The following SLC44A5 variants were observed in gnomAD, a reference collection of about 807,000 sequenced individuals.
The protein encoded by SLC44A5 is solute carrier family 44 member 5, also known as choline transporter-like protein 5.
In SLC44A5, 57 loss-of-function variants were observed where a neutral mutation model predicts 101.8. The observed-to-expected ratio is 0.56, with a 90% CI of 0.45 to 0.70. SLC44A5 has a LOEUF of 0.70. Among genes scored for constraint, SLC44A5 ranks in the 30% least tolerant of loss-of-function variants. The pLI is 0.00. For synonymous variants in SLC44A5, 281 were observed against 290.9 expected (o/e 0.97, Z 0.35); for missense variants, 737 against 853.1 (o/e 0.86, Z 1.70).
rs1340253998 is a variant in SLC44A5, at chr1:75,587,657, C to T, written c.-70+23383G>A. Among the ~76,000 whole-genome samples the T allele has an allele frequency of 2.0e-5, 3 of 152,182 alleles. No homozygotes were observed. The East Asian group carries it at 5.8e-4, about 29-fold the overall frequency. Reference sequence around the variant, plus strand: ...TGGCTTAGCTCTTTTTCACATTAGGCCTCTTTCAAAGTATATATTAAGTCT... The same window carrying T: ...TGGCTTAGCTCTTTTTCACATTAGGTCTCTTTCAAAGTATATATTAAGTCT... On this transcript the variant is annotated intron_variant, in intron 1 of 23. Coordinates refer to ENST00000370859, the MANE Select transcript of SLC44A5 (RefSeq NM_001130058.2).
At chr1:75,676,285 C>G in the SLC44A5 span, among the ~76,000 whole-genome samples, 1 of 152,108 alleles carries the variant, frequency 6.6e-6, no homozygotes, top group African/African-American at 2.4e-5. Context: ...CACAAAGACA[C>G]AGAATGAACC....
chr1:75,613,219 A>G (rs1296066900), upstream of SLC44A5, among the ~76,000 whole-genome samples: 2 of 152,218 alleles, frequency 1.3e-5, no homozygotes, highest in African/African-American at 4.8e-5. Context: ...CCAACACAGC[A>G]TGGAATATTG....
chr1:75,718,511 C>T, the SLC44A5 span, among the ~76,000 whole-genome samples: 1 of 152,138 alleles, frequency 6.6e-6, no homozygotes, highest in East Asian at 1.9e-4. Context: ...GATCTTGACA[C>T]CTAAAATACA....
the SLC44A5 span, among the ~76,000 whole-genome samples, chr1:75,658,918 TA>T: frequency 6.6e-6 from 1 of 151,698 alleles, no homozygotes; most frequent in African/African-American, 2.4e-5. Context: ...CTCAAAGAAA[TA>T]AAATCAGAAA....
the SLC44A5 span, among the ~76,000 whole-genome samples, chr1:75,637,515 A>G: frequency 6.6e-6 from 1 of 151,934 alleles, no homozygotes; most frequent in East Asian, 1.9e-4. Context: ...TGAGGAATGG[A>G]GAGTTATTGC....
the SLC44A5 span, among the ~76,000 whole-genome samples, chr1:75,666,886 TC>T: frequency 1.3e-5 from 2 of 152,038 alleles, no homozygotes; most frequent in Admixed American, 6.6e-5. Context: ...AAATTCAACA[TC>T]CCTTCATGCT....
chr1:75,232,841 A>G (rs553830668), intron 12 of SLC44A5, among the ~76,000 whole-genome samples: 47 of 152,312 alleles, frequency 3.1e-4, no homozygotes, highest in African/African-American at 1.1e-3. Context: ...GTTGTATGTT[A>G]TGGAGCTGGA....
intron 16 of SLC44A5, 58 bp from the exon 17 acceptor site, chr1:75,218,810 A>G: frequency 1.2e-5 from 18 of 1,494,720 alleles, no homozygotes; most frequent in Non-Finnish European, 1.6e-5. Flanking sequence ...CAAGATAACA[A>G]CTCCCTGTGT....
intron 2 of SLC44A5, among the ~76,000 whole-genome samples, chr1:75,433,297 T>A (rs1664714838): frequency 6.6e-6 from 1 of 152,138 alleles, no homozygotes; most frequent in African/African-American, 2.4e-5. Context: ...AGCCCATTCC[T>A]CTACCACAGC....
At chr1:75,321,782 T>A (rs1255571807) in intron 4 of SLC44A5, among the ~76,000 whole-genome samples, 1 of 152,238 alleles carries the variant, frequency 6.6e-6, no homozygotes, top group Non-Finnish European at 1.5e-5. Context: ...AGCGACTTTT[T>A]CCTTTTAAAT....
the SLC44A5 span, among the ~76,000 whole-genome samples, chr1:75,683,624 G>A: frequency 6.6e-6 from 1 of 152,132 alleles, no homozygotes; most frequent in South Asian, 2.1e-4. Context: ...CGGAAGGGGG[G>A]AGGGATAGCA....
At chr1:75,537,946 C>G (rs994431350) in intron 2 of SLC44A5, 1 of 152,124 alleles carries the variant, frequency 6.6e-6, no homozygotes, top group African/African-American at 2.4e-5. Flanking sequence ...AATTATAATA[C>G]AGTAAGATGA....
At chr1:75,279,320 AG>A (rs1319020861) in intron 5 of SLC44A5, among the ~76,000 whole-genome samples, 1 of 152,050 alleles carries the variant, frequency 6.6e-6, no homozygotes, top group East Asian at 1.9e-4. Flanking sequence ...TGTGAAAACA[AG>A]TTTTCACCTA....
Position 75,439,214 on chromosome 1 carries a change from A to G in SLC44A5, c.14-42593T>C, listed in dbSNP as rs763255644. Reference sequence around the variant, plus strand: ...ACTCTCTCTTGCCCTTTCTTTGCTCATCTGCCATGGGATGACACAGCAAGA... The same window carrying G: ...ACTCTCTCTTGCCCTTTCTTTGCTCGTCTGCCATGGGATGACACAGCAAGA... On this transcript the variant is annotated intron_variant, in intron 2 of 23. Transcript: ENST00000370859. Among the ~76,000 whole-genome samples, 3 of 152,058 alleles carry G rather than the reference A, an allele frequency of 2.0e-5. No homozygotes were observed. The East Asian group carries it at 5.8e-4, about 29-fold the overall frequency.
the SLC44A5 span, among the ~76,000 whole-genome samples, chr1:75,621,508 T>C: frequency 6.6e-6 from 1 of 152,272 alleles, no homozygotes; most frequent in South Asian, 2.1e-4. Flanking sequence ...CATGAATGTA[T>C]GTTAGTGCAA....
intron 1 of SLC44A5, among the ~76,000 whole-genome samples, chr1:75,543,675 A>G (rs1428116881): frequency 1.3e-5 from 1 of 76,434 alleles, no homozygotes; most frequent in African/African-American, 5.4e-5. Flanking sequence ...ATATATACAC[A>G]CATATATATA....
At chr1:75,414,568 A>G (rs914247078) in intron 2 of SLC44A5, among the ~76,000 whole-genome samples, 1 of 152,200 alleles carries the variant, frequency 6.6e-6, no homozygotes, top group African/African-American at 2.4e-5. Context: ...GTTGAATTAA[A>G]GTTGTGTTTA....
chr1:75,551,440 T>C (rs989165523), intron 1 of SLC44A5, among the ~76,000 whole-genome samples: 6 of 152,102 alleles, frequency 3.9e-5, no homozygotes, highest in Admixed American at 3.3e-4. Flanking sequence ...GATCCTCCTA[T>C]CCTTAATTTT....
chr1:75,418,046 A>G (rs1663770679), intron 2 of SLC44A5, among the ~76,000 whole-genome samples: 1 of 152,254 alleles, frequency 6.6e-6, no homozygotes, highest in Non-Finnish European at 1.5e-5. Flanking sequence ...CCCTCACACC[A>G]AACTTCATGT....
Sources: gnomAD v4.1 joint callset for allele counts (sites outside exome capture counted in the v4.1 genomes callset) on GRCh38, gnomAD v4.1.1 for gene constraint, MANE v1.5 for transcripts, NCBI Gene and HGNC (gene_info 2026-07-23, HGNC 2026-07-21) for gene names.